ALG9: variants seen among roughly 807,000 people sequenced by gnomAD.
The protein encoded by ALG9 is ALG9 alpha-1,2-mannosyltransferase, also known as alpha-1,2-mannosyltransferase ALG9.
ALG9 carries 55 observed loss-of-function variants against 81.8 expected under a neutral mutation model. The ratio of observed to expected loss-of-function variants is 0.67; its 90% CI spans 0.54 to 0.84. The LOEUF (loss-of-function observed/expected upper bound fraction) is 0.84, where lower values mean the gene tolerates loss of function less well. Ranked by LOEUF, ALG9 falls within the 40% of genes least tolerant of loss-of-function variation. The pLI is 0.00. For missense variants in ALG9, 629 were observed against 745.0 expected (o/e 0.84, Z 1.81); for synonymous variants, 278 against 274.3 (o/e 1.01, Z -0.13).
At chr11:111,772,152 G>A in the ALG9 span, among the ~76,000 whole-genome samples, 1 of 152,236 alleles carries the variant, frequency 6.6e-6, no homozygotes, top group African/African-American at 2.4e-5. Flanking sequence ...GCAAGGTGGT[G>A]AGGTGGCTCA....
intron 14 of ALG9, among the ~76,000 whole-genome samples, chr11:111,806,996 C>T (rs559624579): frequency 1.8e-4 from 27 of 152,280 alleles, no homozygotes; most frequent in African/African-American, 6.5e-4. Flanking sequence ...ATATCCTCAG[C>T]ATAACCACCG....
chr11:111,861,678 T>C (rs1484225421), intron 4 of ALG9, among the ~76,000 whole-genome samples: 2 of 152,218 alleles, frequency 1.3e-5, no homozygotes, highest in Non-Finnish European at 2.9e-5. Flanking sequence ...CTTGCTATGT[T>C]GCCCAGGCTG....
chr11:111,834,017 G>C (rs939162939), intron 13 of ALG9, among the ~76,000 whole-genome samples: 3 of 152,020 alleles, frequency 2.0e-5, no homozygotes, highest in Non-Finnish European at 2.9e-5. Context: ...TGAACTACTG[G>C]GTACATGACA....
chr11:111,866,906 A>G (rs1020090433), intron 3 of ALG9, among the ~76,000 whole-genome samples: 1 of 152,114 alleles, frequency 6.6e-6, no homozygotes, highest in Non-Finnish European at 1.5e-5. Flanking sequence ...CAGACTGGCC[A>G]ACATGGTGAA....
intron 13 of ALG9, among the ~76,000 whole-genome samples, chr11:111,828,432 A>T (rs1267132807): frequency 3.3e-5 from 5 of 152,218 alleles, no homozygotes; most frequent in African/African-American, 1.2e-4. Flanking sequence ...TGCCTTGTGC[A>T]CTGCGGCATC....
At chr11:111,832,446 A>AC (rs1565937374) in intron 13 of ALG9, among the ~76,000 whole-genome samples, 2 of 147,836 alleles carry the variant, frequency 1.4e-5, no homozygotes. Context: ...TGGCTAATTT[A>AC]TTTTTTTTTT....
chr11:111,864,309 TG>T, intron 4 of ALG9: 1 of 990,382 alleles, frequency 1.0e-6, no homozygotes, highest in Non-Finnish European at 1.6e-6. Flanking sequence ...CAGCCCCGGC[TG>T]GAGGCCAGGC....
downstream of ALG9, chr11:111,778,235 T>C (rs775481969): frequency 5.9e-5 from 9 of 152,182 alleles, no homozygotes; most frequent in Non-Finnish European, 1.2e-4. Context: ...GCAGTATTCC[T>C]GAAGGGCAAG....
intron 14 of ALG9, among the ~76,000 whole-genome samples, chr11:111,793,329 T>A (rs149785106): frequency 0.016 from 2,482 of 152,348 alleles, 40 homozygotes; most frequent in Middle Eastern, 0.027. Context: ...GAATTCTTCA[T>A]TTCTAACATT....
At chr11:111,851,660 C>G (rs185775659) in intron 8 of ALG9, among the ~76,000 whole-genome samples, 9 of 152,290 alleles carry the variant, frequency 5.9e-5, no homozygotes, top group South Asian at 2.1e-4. Context: ...TATTCACCCA[C>G]AGAGAGTAGA....
rs1035134498 is a variant in ALG9, at chr11:111,860,456, T to G, written c.565+91A>C. Reference sequence around the variant, plus strand: ...GACAAATGCTTCCTTTAAATGCAACTGTGAACTATTGGTGAACCTGCAATT... The same window carrying G: ...GACAAATGCTTCCTTTAAATGCAACGGTGAACTATTGGTGAACCTGCAATT... On this transcript the variant is annotated intron_variant, in intron 5 of 14. Coordinates refer to ENST00000616540, the MANE Select transcript of ALG9 (RefSeq NM_024740.2). The G allele has an allele frequency of 3.8e-6, 4 of 1,051,854 alleles. No homozygotes were observed. In the African/African-American group the frequency reaches 4.7e-5, roughly 12 times the overall value. 65.2% of individuals were successfully genotyped at this position (1,051,854 alleles called of 1,614,324 possible).
In ALG9 at chr11:111,785,424, A is replaced by C. The variant is rs1325491985; in HGVS notation, c.*973T>G. The C allele has an allele frequency of 6.5e-6, 1 of 152,750 alleles. No homozygotes were observed. Among genetic ancestry groups the C allele is most frequent in the East Asian group, 1.9e-4 (1 of 5,210 alleles). 9.5% of individuals were successfully genotyped at this position (152,750 alleles called of 1,614,324 possible). A position where few individuals can be genotyped will look rare whatever the true frequency, so the allele number is the denominator to read the frequency against. On this transcript the variant is annotated 3_prime_UTR_variant, in exon 15 of 15. Transcript: ENST00000616540. ...TTTGACTAGAAGTGCCCCATGCAGGATGTGCCTCACAACAGACAGAACTAA... is the reference window on the plus strand; with the variant it reads ...TTTGACTAGAAGTGCCCCATGCAGGCTGTGCCTCACAACAGACAGAACTAA...
chr11:111,801,143 C>CA (rs1235053282), intron 14 of ALG9, among the ~76,000 whole-genome samples: 2 of 152,142 alleles, frequency 1.3e-5, no homozygotes, highest in Non-Finnish European at 2.9e-5. Context: ...TGCTAAAGTA[C>CA]AAAAACCATT....
the ALG9 span, among the ~76,000 whole-genome samples, chr11:111,768,095 G>A: frequency 6.6e-6 from 1 of 152,180 alleles, no homozygotes; most frequent in Non-Finnish European, 1.5e-5. Flanking sequence ...AAATGACAAT[G>A]ATACTTTCAT....
chr11:111,773,096 G>A, the ALG9 span, among the ~76,000 whole-genome samples: 9 of 151,884 alleles, frequency 5.9e-5, no homozygotes, highest in Admixed American at 3.9e-4. Flanking sequence ...AAATACAGAA[G>A]TTGTATTATT....
At chr11:111,809,955 G>A (rs946712278) in intron 13 of ALG9, among the ~76,000 whole-genome samples, 182 bp from the exon 14 acceptor site, 12 of 152,112 alleles carry the variant, frequency 7.9e-5, no homozygotes, top group Non-Finnish European at 7.4e-5. Context: ...TGGGGGAGAG[G>A]CACACTCATT....
At chr11:111,816,177 C>T (rs1592010103) in intron 13 of ALG9, among the ~76,000 whole-genome samples, 1 of 152,152 alleles carries the variant, frequency 6.6e-6, no homozygotes, top group Admixed American at 6.5e-5. Context: ...AAGGGTGATA[C>T]AATTTGTCCT....
chr11:111,770,392 T>C, the ALG9 span, among the ~76,000 whole-genome samples: 1 of 152,180 alleles, frequency 6.6e-6, no homozygotes, highest in African/African-American at 2.4e-5. Flanking sequence ...CTGAAAGTCT[T>C]TGGAGGCCAC....
In ALG9 at chr11:111,840,553, A is replaced by G. The variant is rs555726623; in HGVS notation, c.1173+102T>C. The G allele has an allele frequency of 1.7e-5, 24 of 1,376,052 alleles. No individual in the cohort carries two copies. The African/African-American group carries it at 3.1e-4, about 18-fold the overall frequency. The allele number at this position is 1,376,052 out of a possible 1,614,324, so 85.2% of individuals were successfully genotyped here. A position where few individuals can be genotyped will look rare whatever the true frequency, so the allele number is the denominator to read the frequency against. ...TATCAGGTTTAATGTTATGGATAAA[A>G]TATCTTAGGTGGAAGCATTCTGTAA... is the stretch of plus-strand genomic sequence containing the variant. On this transcript the variant is annotated intron_variant, in intron 10 of 14. Coordinates refer to ENST00000616540, the MANE Select transcript of ALG9 (RefSeq NM_024740.2).
Sources: gnomAD v4.1 joint callset for allele counts (sites outside exome capture counted in the v4.1 genomes callset) on GRCh38, gnomAD v4.1.1 for gene constraint, MANE v1.5 for transcripts, NCBI Gene and HGNC (gene_info 2026-07-23, HGNC 2026-07-21) for gene names.